The following KCNH1 variants were observed in gnomAD, a reference collection of about 807,000 sequenced individuals.
KCNH1 encodes potassium voltage-gated channel subfamily H member 1, also known as voltage-gated delayed rectifier potassium channel KCNH1.
KCNH1 carries 27 observed loss-of-function variants against 69.2 expected under a neutral mutation model. The ratio of observed to expected loss-of-function variants is 0.39; its 90% CI spans 0.29 to 0.54. The LOEUF (loss-of-function observed/expected upper bound fraction) is 0.54, where lower values mean the gene tolerates loss of function less well. Ranked by LOEUF, KCNH1 falls within the 20% of genes least tolerant of loss-of-function variation. The probability of loss-of-function intolerance (pLI) is 0.68; values close to 1 mark genes in which losing one functional copy is unlikely to be tolerated. For synonymous variants in KCNH1, 456 were observed against 487.7 expected, an observed-to-expected ratio of 0.93 and a Z score of 0.86; for missense variants, 798 against 1,261.6, an observed-to-expected ratio of 0.63 and a Z score of 5.57.
chr1:211,119,389 T>C (rs1367544477), intron 1 of KCNH1, among the ~76,000 whole-genome samples: 1 of 152,034 alleles, frequency 6.6e-6, no homozygotes, highest in Non-Finnish European at 1.5e-5. Context: ...CAAGTTTGAG[T>C]AAAAGTATAC....
At chr1:210,688,798 G>C (rs938399656) in intron 10 of KCNH1, among the ~76,000 whole-genome samples, 1 of 152,178 alleles carries the variant, frequency 6.6e-6, no homozygotes, top group Non-Finnish European at 1.5e-5. Flanking sequence ...CAGATCCTTA[G>C]TCAGGGACCA....
chr1:210,773,916 C>T (rs1306290818), intron 10 of KCNH1, among the ~76,000 whole-genome samples: 1 of 152,146 alleles, frequency 6.6e-6, no homozygotes, highest in Non-Finnish European at 1.5e-5. Flanking sequence ...GTAAACATTT[C>T]AGCAGTTTTT....
chr1:211,088,888 A>G (rs1405808991), intron 4 of KCNH1, among the ~76,000 whole-genome samples: 1 of 152,250 alleles, frequency 6.6e-6, no homozygotes, highest in Non-Finnish European at 1.5e-5. Flanking sequence ...TCATTGAGGC[A>G]GGTTAAATGA....
intron 6 of KCNH1, among the ~76,000 whole-genome samples, chr1:210,933,110 A>G (rs1288680938): frequency 6.6e-6 from 1 of 152,208 alleles, no homozygotes; most frequent in Admixed American, 6.5e-5. Context: ...CTTGGAACCA[A>G]TCCAAATGTC....
chr1:210,687,666 G>A (rs1026496906), intron 10 of KCNH1, among the ~76,000 whole-genome samples: 1 of 152,234 alleles, frequency 6.6e-6, no homozygotes, highest in African/African-American at 2.4e-5. Context: ...CTGACCTGGA[G>A]TCAAGGGCTC....
intron 5 of KCNH1, among the ~76,000 whole-genome samples, chr1:211,056,523 G>A (rs1196531213): frequency 6.6e-6 from 1 of 152,202 alleles, no homozygotes; most frequent in East Asian, 1.9e-4. Flanking sequence ...TGATTGTAGA[G>A]CCCTTGGGCC....
At chr1:211,115,393 G>A (rs1265658982) in intron 1 of KCNH1, among the ~76,000 whole-genome samples, 1 of 152,168 alleles carries the variant, frequency 6.6e-6, no homozygotes, top group Non-Finnish European at 1.5e-5. Context: ...GTATGTCTGT[G>A]AGGGTGTTGC....
intron 5 of KCNH1, among the ~76,000 whole-genome samples, chr1:211,027,511 G>A (rs954701664): frequency 6.6e-6 from 1 of 151,982 alleles, no homozygotes; most frequent in African/African-American, 2.4e-5. Context: ...GGCTAAGGTG[G>A]GAGGAATGGT....
intron 9 of KCNH1, among the ~76,000 whole-genome samples, chr1:210,779,530 T>G (rs1683934129): frequency 6.6e-6 from 1 of 152,132 alleles, no homozygotes; most frequent in Admixed American, 6.5e-5. Context: ...ACACCCACAT[T>G]TGTTTCTTGT....
chr1:211,094,602 A>G (rs1041188107), intron 3 of KCNH1, among the ~76,000 whole-genome samples: 3 of 152,194 alleles, frequency 2.0e-5, no homozygotes, highest in Non-Finnish European at 4.4e-5. Context: ...CTGGCATTCA[A>G]TGTAGTATTA....
At chr1:211,093,992 T>C (rs1691101387) in intron 3 of KCNH1, among the ~76,000 whole-genome samples, 1 of 152,206 alleles carries the variant, frequency 6.6e-6, no homozygotes, top group South Asian at 2.1e-4. Context: ...GGTTCACTTT[T>C]AGAAAGTCAC....
rs539680046 is a variant in KCNH1 at position 211,091,339 on chromosome 1, T to C, written c.311-649A>G. 3.0e-4 allele frequency among the ~76,000 whole-genome samples: 45 copies of C among 152,128 alleles called. No homozygotes were observed. In the South Asian group the frequency reaches 8.9e-3, roughly 30 times the overall value. On this transcript the variant is annotated intron_variant, in intron 3 of 10. Transcript: ENST00000271751. The stretch of plus-strand genomic sequence containing the variant: ...CTGGAATTATAGGTACCCACCACCA[T>C]GCCCGGGTAATTTTTGTATTTTTAG...
At chr1:210,984,356 T>C (rs1336373369) in intron 6 of KCNH1, among the ~76,000 whole-genome samples, 1 of 152,234 alleles carries the variant, frequency 6.6e-6, no homozygotes, top group Non-Finnish European at 1.5e-5. Flanking sequence ...TGTGCCAGTT[T>C]TCAAAGGGAA....
intron 7 of KCNH1, among the ~76,000 whole-genome samples, chr1:210,838,977 C>G (rs1370505641): frequency 6.6e-6 from 1 of 152,146 alleles, no homozygotes; most frequent in Non-Finnish European, 1.5e-5. Flanking sequence ...TAAATTAGTT[C>G]AACCATTGTG....
rs114559095 is a variant in KCNH1, at chr1:211,052,722, C to A, written c.558+30058G>T. Among the ~76,000 whole-genome samples the A allele has an allele frequency of 8.5e-3, 1,302 of 152,308 alleles. 18 individuals carry two copies. Among genetic ancestry groups the A allele is most frequent in the African/African-American group, 0.029 (1,211 of 41,560 alleles). ...TCCACCAGTGCTACTGGATTTAGGA[C>A]CAGGAAACTAAGGATTTGGGTATGG... On this transcript the variant is annotated intron_variant, in intron 5 of 10. Transcript: ENST00000271751.
intron 10 of KCNH1, among the ~76,000 whole-genome samples, chr1:210,705,654 A>G (rs1681891480): frequency 1.3e-5 from 2 of 152,202 alleles, no homozygotes; most frequent in Non-Finnish European, 2.9e-5. Context: ...AAGTGCCCAG[A>G]TGATGGATCT....
At chr1:210,701,172 T>C (rs1681768698) in intron 10 of KCNH1, among the ~76,000 whole-genome samples, 1 of 152,000 alleles carries the variant, frequency 6.6e-6, no homozygotes, top group Non-Finnish European at 1.5e-5. Context: ...CTCCTGACCT[T>C]GTGATCTGCC....
At chr1:210,744,097 C>A (rs1442312138) in intron 10 of KCNH1, among the ~76,000 whole-genome samples, 1 of 152,148 alleles carries the variant, frequency 6.6e-6, no homozygotes, top group Non-Finnish European at 1.5e-5. Context: ...TTACTGTTTG[C>A]TCTCTCATTT....
chr1:210,798,524 G>A (rs144933352), intron 8 of KCNH1, among the ~76,000 whole-genome samples: 5 of 152,354 alleles, frequency 3.3e-5, no homozygotes, highest in African/African-American at 4.8e-5. Flanking sequence ...ACTTTTAGGT[G>A]TAATAAGCCT....
Sources: gnomAD v4.1 joint callset for allele counts (sites outside exome capture counted in the v4.1 genomes callset) on GRCh38, gnomAD v4.1.1 for gene constraint, MANE v1.5 for transcripts, NCBI Gene and HGNC (gene_info 2026-07-23, HGNC 2026-07-21) for gene names.